Variants in MAGI2 observed in about 807,000 individuals in gnomAD.
The protein encoded by MAGI2 is membrane associated guanylate kinase, WW and PDZ domain containing 2, also known as membrane-associated guanylate kinase, WW and PDZ domain-containing protein 2.
Under a neutral mutation model 133.3 loss-of-function variants are expected in MAGI2, and 35 were observed. That is an observed-to-expected ratio of 0.26 (90% confidence interval 0.20 to 0.35). The LOEUF (loss-of-function observed/expected upper bound fraction) is 0.35, where lower values mean the gene tolerates loss of function less well. Ranked by LOEUF, MAGI2 falls within the 10% of genes least tolerant of loss-of-function variation. The pLI is 1.00. For missense variants in MAGI2, 1,636 were observed against 1,863.4 expected, an observed-to-expected ratio of 0.88 and a Z score of 2.25; for synonymous variants, 729 against 710.6, an observed-to-expected ratio of 1.03 and a Z score of -0.41.
At chr7:78,422,234 C>T (rs1584026196) in intron 6 of MAGI2, among the ~76,000 whole-genome samples, 1 of 152,196 alleles carries the variant, frequency 6.6e-6, no homozygotes, top group South Asian at 2.1e-4. Context: ...ATACCTTATG[C>T]CAGCTGCGGT....
intron 1 of MAGI2, among the ~76,000 whole-genome samples, chr7:79,446,732 C>T (rs923787560): frequency 3.3e-5 from 5 of 152,240 alleles, no homozygotes; most frequent in African/African-American, 1.2e-4. Context: ...AGGTGGATCA[C>T]GAGGTCAGGA....
intron 1 of MAGI2, among the ~76,000 whole-genome samples, chr7:79,171,595 C>G (rs994016113): frequency 4.7e-5 from 7 of 150,372 alleles, no homozygotes; most frequent in African/African-American, 7.3e-5. Context: ...ATACCATATA[C>G]AAATAAATGT....
intron 6 of MAGI2, among the ~76,000 whole-genome samples, chr7:78,441,610 A>G (rs1192101602): frequency 1.3e-5 from 2 of 151,760 alleles, no homozygotes; most frequent in African/African-American, 2.4e-5. Flanking sequence ...TATTACAATT[A>G]GTTAACCCAG....
intron 2 of MAGI2, among the ~76,000 whole-genome samples, chr7:78,627,691 T>C (rs186074841): frequency 3.3e-4 from 51 of 152,344 alleles, no homozygotes; most frequent in African/African-American, 1.2e-3. Context: ...TTTAATTTCA[T>C]AATCTGCTTT....
intron 12 of MAGI2, among the ~76,000 whole-genome samples, chr7:78,186,413 G>C (rs1011115905): frequency 3.3e-5 from 5 of 152,154 alleles, no homozygotes; most frequent in Admixed American, 6.5e-5. Flanking sequence ...GGTAGGCAAG[G>C]CTCCAATTGA....
intron 2 of MAGI2, among the ~76,000 whole-genome samples, chr7:78,865,860 G>T (rs1033435218): frequency 6.6e-6 from 1 of 152,038 alleles, no homozygotes; most frequent in African/African-American, 2.4e-5. Flanking sequence ...AGGGAGGGTG[G>T]ATAATTATAA....
At chr7:78,207,957 G>A (rs993408030) in intron 10 of MAGI2, among the ~76,000 whole-genome samples, 3 of 151,684 alleles carry the variant, frequency 2.0e-5, no homozygotes, top group Non-Finnish European at 4.4e-5. Context: ...TGTAACCTCC[G>A]CCTCCCAGGT....
chr7:79,433,206 G>C (rs1309758746), intron 1 of MAGI2, among the ~76,000 whole-genome samples: 1 of 152,118 alleles, frequency 6.6e-6, no homozygotes, highest in Non-Finnish European at 1.5e-5. Context: ...TCTAGAGGTA[G>C]GGCAATGGGG....
At chr7:79,265,718 G>A (rs1834407902) in intron 1 of MAGI2, among the ~76,000 whole-genome samples, 1 of 152,076 alleles carries the variant, frequency 6.6e-6, no homozygotes, top group African/African-American at 2.4e-5. Context: ...TTCTCATGGT[G>A]GGGTGCTGCC....
intron 2 of MAGI2, among the ~76,000 whole-genome samples, chr7:78,642,844 G>C (rs914801472): frequency 1.3e-5 from 2 of 152,196 alleles, no homozygotes; most frequent in African/African-American, 4.8e-5. Flanking sequence ...AACCTGGGCA[G>C]TCTGGCAGTA....
intron 9 of MAGI2, among the ~76,000 whole-genome samples, chr7:78,267,975 C>T (rs868857609): frequency 6.6e-6 from 1 of 152,288 alleles, no homozygotes; most frequent in Middle Eastern, 3.4e-3. Flanking sequence ...AGAGAATCAT[C>T]ACCAAAGATT....
At chr7:78,612,546 A>G (rs1442478873) in intron 3 of MAGI2, among the ~76,000 whole-genome samples, 2 of 152,232 alleles carry the variant, frequency 1.3e-5, no homozygotes, top group Non-Finnish European at 2.9e-5. Context: ...ATACCCTTAT[A>G]TACTTAGAGA....
At chr7:78,381,808 G>A (rs1256858342) in intron 6 of MAGI2, among the ~76,000 whole-genome samples, 1 of 152,178 alleles carries the variant, frequency 6.6e-6, no homozygotes, top group African/African-American at 2.4e-5. Flanking sequence ...TCTTAGACAA[G>A]GTTGTGGGGA....
chr7:79,440,839 G>A (rs993772739), intron 1 of MAGI2, among the ~76,000 whole-genome samples: 15 of 152,136 alleles, frequency 9.9e-5, no homozygotes, highest in African/African-American at 3.6e-4. Flanking sequence ...GTTCTTTAAG[G>A]AGCCAGTAGC....
At chr7:78,463,159 C>T (rs1790243969) in intron 6 of MAGI2, among the ~76,000 whole-genome samples, 1 of 152,180 alleles carries the variant, frequency 6.6e-6, no homozygotes, top group African/African-American at 2.4e-5. Context: ...TGAAAGAGAG[C>T]ATCTATATCC....
intron 1 of MAGI2, among the ~76,000 whole-genome samples, chr7:79,108,547 C>T (rs567996092): frequency 6.6e-6 from 1 of 152,306 alleles, no homozygotes; most frequent in Admixed American, 6.5e-5. Context: ...GTGATTAATA[C>T]ATACTATCAC....
At chr7:79,208,596 A>G (rs937792971) in intron 1 of MAGI2, among the ~76,000 whole-genome samples, 5 of 152,026 alleles carry the variant, frequency 3.3e-5, no homozygotes, top group African/African-American at 1.2e-4. Context: ...GTAAATTATT[A>G]TAGCCATCAT....
chr7:78,307,137 C>T (rs937997858), intron 9 of MAGI2, among the ~76,000 whole-genome samples: 3 of 152,128 alleles, frequency 2.0e-5, no homozygotes, highest in African/African-American at 7.2e-5. Context: ...GTCATAAATT[C>T]GTCTTTGTCA....
intron 9 of MAGI2, among the ~76,000 whole-genome samples, chr7:78,263,190 G>A (rs764130654): frequency 6.6e-6 from 1 of 152,136 alleles, no homozygotes; most frequent in Non-Finnish European, 1.5e-5. Flanking sequence ...GGCATTATAT[G>A]TACCACATTT....
Sources: allele counts gnomAD v4.1 joint callset (sites outside exome capture counted in the v4.1 genomes callset), GRCh38; gene constraint gnomAD v4.1.1; transcripts MANE v1.5; gene names NCBI Gene and HGNC (gene_info 2026-07-23, HGNC 2026-07-21).